Variants in EIF5B observed in about 807,000 individuals in gnomAD.
EIF5B encodes the protein eukaryotic translation initiation factor 5B, also known as eIF-5B.
A neutral mutation model predicts 147.5 loss-of-function variants in EIF5B; 47 were observed. The ratio of observed to expected loss-of-function variants is 0.32; its 90% confidence interval spans 0.25 to 0.41. EIF5B has a LOEUF of 0.41. Ranked by LOEUF, EIF5B falls within the 10% of genes least tolerant of loss-of-function variation. The pLI is 1.00. For missense variants in EIF5B, 1,064 were observed against 1,413.2 expected (o/e 0.75, Z 3.96); for synonymous variants, 455 against 456.2 (o/e 1.00, Z 0.03).
Position 99,399,473 on chromosome 2 carries a change from A to T in EIF5B, c.*59A>T, listed in dbSNP as rs1352106828. 1 of 1,508,932 alleles carries T rather than the reference A, an allele frequency of 6.6e-7. No individual in the cohort carries two copies. The highest frequency in any genetic ancestry group is 2.3e-5 in the East Asian group (1 of 43,346). 93.5% of individuals were successfully genotyped at this position (1,508,932 alleles called of 1,614,324 possible). A position where few individuals can be genotyped will look rare whatever the true frequency, so the allele number is the denominator to read the frequency against. Reference sequence around the variant, plus strand: ...CAATACTGTGTTGTAATATCCCAACAAAAATCAGACAAAAAATGGAACAGA... The same window carrying T: ...CAATACTGTGTTGTAATATCCCAACTAAAATCAGACAAAAAATGGAACAGA... On this transcript the variant is annotated 3_prime_UTR_variant, in exon 24 of 24. Transcript: ENST00000289371.
intron 1 of EIF5B, among the ~76,000 whole-genome samples, chr2:99,359,828 C>A (rs2309617): frequency 0.44 from 66,414 of 151,934 alleles, 14,790 homozygotes; most frequent in Admixed American, 0.57. Context: ...TCTGCTATTC[C>A]AAGTAAAAAT....
At chr2:99,366,086 T>TAC (rs1208913843) in intron 6 of EIF5B, among the ~76,000 whole-genome samples, 17 of 106,506 alleles carry the variant, frequency 1.6e-4, no homozygotes, top group Non-Finnish European at 2.2e-5. Context: ...CTACTAAGCA[T>TAC]ATACACACAC....
Position 99,400,186 on chromosome 2 carries a change from GGTAACA to G in EIF5B, c.*776_*781del, listed in dbSNP as rs1363118399. The G allele has an allele frequency of 6.6e-6, 1 of 151,960 alleles. No individual in the cohort carries two copies. The highest frequency in any genetic ancestry group is 1.5e-5 in the Non-Finnish European group (1 of 67,962). The allele number at this position is 151,960 out of a possible 1,614,324, so 9.4% of individuals were successfully genotyped here. The stretch of plus-strand genomic sequence containing the variant: ...CACACTACCTTGTATGCCAGCACCT[GGTAACA>G]GTAGAGATTTTTATACATTAATCTT... On this transcript the variant is annotated 3_prime_UTR_variant, in exon 24 of 24. Coordinates refer to ENST00000289371, the MANE Select transcript of EIF5B (RefSeq NM_015904.4).
At chr2:99,358,227 T>C (rs1674135168) in intron 1 of EIF5B, among the ~76,000 whole-genome samples, 1 of 152,070 alleles carries the variant, frequency 6.6e-6, no homozygotes, top group African/African-American at 2.4e-5. Context: ...CCACCATGCC[T>C]GGCTAATTTT....
chr2:99,338,353 G>A, intron 1 of EIF5B: 1 of 1,288,670 alleles, frequency 7.8e-7, no homozygotes, highest in Non-Finnish European at 1.0e-6. Context: ...TGTCACATTC[G>A]ATTGAGTTCT....
chr2:99,365,806 TA>T (rs1255552415), intron 6 of EIF5B, among the ~76,000 whole-genome samples: 2 of 152,184 alleles, frequency 1.3e-5, no homozygotes, highest in East Asian at 3.9e-4. Context: ...TGTCTACTAA[TA>T]AGAATCCAAA....
intron 1 of EIF5B, among the ~76,000 whole-genome samples, chr2:99,354,916 C>G (rs1390744916): frequency 6.7e-6 from 1 of 149,720 alleles, no homozygotes; most frequent in Non-Finnish European, 1.5e-5. Flanking sequence ...GATTCTCCTG[C>G]TTCAGCCTCC....
At chr2:99,393,143 C>T in intron 18 of EIF5B, 45 bp downstream of exon 18, 1 of 1,442,166 alleles carries the variant, frequency 6.9e-7, no homozygotes, top group Non-Finnish European at 9.2e-7. Flanking sequence ...TATTTGAGTT[C>T]TGGCATGTGT....
intron 1 of EIF5B, among the ~76,000 whole-genome samples, chr2:99,350,078 T>C (rs1033637149): frequency 1.3e-5 from 2 of 151,814 alleles, no homozygotes; most frequent in African/African-American, 2.4e-5. Flanking sequence ...TCACTTAACA[T>C]AATTACATCC....
intron 14 of EIF5B, among the ~76,000 whole-genome samples, chr2:99,388,487 A>C (rs756068763): frequency 1.3e-5 from 2 of 151,930 alleles, no homozygotes; most frequent in African/African-American, 2.4e-5. Flanking sequence ...CTTCTATTCT[A>C]GGTGGTTTAA....
chr2:99,382,031 T>C, intron 12 of EIF5B, 128 bp from the exon 13 acceptor site: 1 of 679,536 alleles, frequency 1.5e-6, no homozygotes, highest in Non-Finnish European at 2.5e-6. Context: ...AACTCACTGT[T>C]TCTAAAGCCA....
At chr2:99,363,957 A>G (rs562291227) in intron 5 of EIF5B, 95 bp downstream of exon 5, 6 of 1,305,832 alleles carry the variant, frequency 4.6e-6, no homozygotes, top group East Asian at 2.3e-5. Context: ...TGAAAATTTC[A>G]TAGTTGCATG....
chr2:99,375,418 C>G (rs1361599734), intron 9 of EIF5B, among the ~76,000 whole-genome samples: 1 of 152,094 alleles, frequency 6.6e-6, no homozygotes, highest in Non-Finnish European at 1.5e-5. Flanking sequence ...ATGGGGAGAT[C>G]CTGTTTATTT....
chr2:99,382,967 AATTTTTTGTG>A, intron 14 of EIF5B, 46 bp downstream of exon 14: 1 of 1,526,610 alleles, frequency 6.6e-7, no homozygotes, highest in Non-Finnish European at 8.8e-7. Flanking sequence ...CATGTTTCTT[AATTTTTTGTG>A]ATTAAAAAAA....
rs141085382 is a variant in EIF5B at position 99,342,560 on chromosome 2, G to A, written c.35+4971G>A. Among the ~76,000 whole-genome samples the A allele has an allele frequency of 1.4e-4, 22 of 151,936 alleles. No homozygotes were observed. The East Asian group carries it at 3.9e-3, about 27-fold the overall frequency. On this transcript the variant is annotated intron_variant, in intron 1 of 23. Coordinates refer to ENST00000289371, the MANE Select transcript of EIF5B (RefSeq NM_015904.4). ...CATGTATCACAGAATTTTTGTTGCTGTTAATGTAATCATTCCTCCCCCTCC... is the reference window on the plus strand; with the variant it reads ...CATGTATCACAGAATTTTTGTTGCTATTAATGTAATCATTCCTCCCCCTCC...
intron 22 of EIF5B, chr2:99,397,674 A>G (rs1011276334): frequency 1.0e-4 from 16 of 152,386 alleles, no homozygotes; most frequent in Admixed American, 1.0e-3. Context: ...TTCCTGGGGA[A>G]AGTGCTAGAC....
rs988085746 is a variant in EIF5B at position 99,337,396 on chromosome 2, A to T, written c.-159A>T. On this transcript the variant is annotated 5_prime_UTR_variant, in exon 1 of 24. It removes an upstream start codon present in the reference 5' UTR. Coordinates refer to ENST00000289371, the MANE Select transcript of EIF5B (RefSeq NM_015904.4). ...CTTGCGCACTGAGAACTCACACCAT[A>T]TGTGTCCTGTTCCAGTGCGCGGGTC... is the stretch of plus-strand genomic sequence containing the variant. 4.5e-6 allele frequency: 4 copies of T among 880,922 alleles called. No homozygotes were observed. The highest frequency in any genetic ancestry group is 7.3e-6 in the Non-Finnish European group (4 of 546,972). 54.6% of individuals were successfully genotyped at this position (880,922 alleles called of 1,614,324 possible).
At chr2:99,391,846 C>G (rs925603486) in intron 17 of EIF5B, among the ~76,000 whole-genome samples, 18 of 151,716 alleles carry the variant, frequency 1.2e-4, no homozygotes, top group Middle Eastern at 3.4e-3. Context: ...ATCCTCCCAC[C>G]TCAGCCTCCT....
chr2:99,362,581 C>T (rs571903294), intron 4 of EIF5B, among the ~76,000 whole-genome samples: 17 of 151,702 alleles, frequency 1.1e-4, no homozygotes, highest in Non-Finnish European at 2.1e-4. Flanking sequence ...CGCCTGTAGT[C>T]CCAGCTACTC....
Sources: gnomAD v4.1 joint callset for allele counts (sites outside exome capture counted in the v4.1 genomes callset) on GRCh38, gnomAD v4.1.1 for gene constraint, MANE v1.5 for transcripts, NCBI Gene and HGNC (gene_info 2026-07-23, HGNC 2026-07-21) for gene names.